The following RNF10 variants were observed in gnomAD, a reference collection of about 807,000 sequenced individuals.
RNF10 encodes the protein ring finger protein 10, also known as E3 ubiquitin-protein ligase RNF10.
RNF10 carries 38 observed loss-of-function variants against 91.4 expected under a neutral mutation model. The ratio of observed to expected loss-of-function variants is 0.42; its 90% CI spans 0.32 to 0.54. RNF10 has a LOEUF of 0.54. Among genes scored for constraint, RNF10 ranks in the 20% least tolerant of loss-of-function variants. The pLI is 0.16. For synonymous variants in RNF10, 364 were observed against 366.3 expected, an observed-to-expected ratio of 0.99 and a Z score of 0.07; for missense variants, 945 against 1,012.0, an observed-to-expected ratio of 0.93 and a Z score of 0.90.
intron 1 of RNF10, among the ~76,000 whole-genome samples, chr12:120,541,780 T>C (rs1871613849): frequency 6.6e-6 from 1 of 151,294 alleles, no homozygotes; most frequent in African/African-American, 2.4e-5. Flanking sequence ...TAGGCTGGCA[T>C]GCAGTGGTGC....
chr12:120,535,148 G>A (rs1270283092), intron 1 of RNF10, among the ~76,000 whole-genome samples, 180 bp downstream of exon 1: 2 of 152,220 alleles, frequency 1.3e-5, no homozygotes, highest in East Asian at 3.8e-4. Flanking sequence ...CGTGGTTTAC[G>A]TGGATCATTT....
chr12:120,575,475 A>G (rs931731241), intron 14 of RNF10, 156 bp from the exon 15 acceptor site: 20 of 746,478 alleles, frequency 2.7e-5, no homozygotes, highest in African/African-American at 8.8e-5. Flanking sequence ...TATAGAGGAC[A>G]TGACTAGAAC....
At chr12:120,554,485 G>A in intron 3 of RNF10, 1 of 452,004 alleles carries the variant, frequency 2.2e-6, no homozygotes, top group Non-Finnish European at 4.0e-6. Flanking sequence ...GAATTTGGCT[G>A]GACTTGAAGC....
intron 1 of RNF10, among the ~76,000 whole-genome samples, chr12:120,541,784 G>A (rs1341866200): frequency 6.6e-6 from 1 of 151,068 alleles, no homozygotes; most frequent in Non-Finnish European, 1.5e-5. Flanking sequence ...CTGGCATGCA[G>A]TGGTGCAAAC....
intron 13 of RNF10, among the ~76,000 whole-genome samples, chr12:120,569,663 C>T (rs1011385705): frequency 6.0e-5 from 9 of 150,898 alleles, no homozygotes; most frequent in Non-Finnish European, 1.0e-4. Context: ...CTCAGCCTCC[C>T]GAGTAGCTGG....
At chr12:120,563,784 T>C (rs762390030) in intron 9 of RNF10, 26 bp from the exon 10 acceptor site, 3 of 1,612,712 alleles carry the variant, frequency 1.9e-6, no homozygotes, top group African/African-American at 1.3e-5. Context: ...CCAAGACTGG[T>C]GTGTGATAGA....
chr12:120,563,105 C>A, intron 8 of RNF10, 35 bp downstream of exon 8: 1 of 1,613,510 alleles, frequency 6.2e-7, no homozygotes, highest in Non-Finnish European at 8.5e-7. Flanking sequence ...GGCTGCCGTT[C>A]CTCAAATGCT....
intron 1 of RNF10, among the ~76,000 whole-genome samples, chr12:120,542,486 T>C (rs73230303): frequency 0.045 from 6,918 of 152,286 alleles, 263 homozygotes; most frequent in South Asian, 0.1. Flanking sequence ...TTACTACTAG[T>C]GCCATGTTTG....
intron 1 of RNF10, among the ~76,000 whole-genome samples, chr12:120,542,380 G>T (rs1167717): frequency 1.3e-5 from 2 of 151,926 alleles, no homozygotes; most frequent in African/African-American, 4.8e-5. Flanking sequence ...TCGCAAACTC[G>T]TGGACTCAAG....
At chr12:120,548,966 G>A (rs986701587) in intron 2 of RNF10, among the ~76,000 whole-genome samples, 3 of 152,120 alleles carry the variant, frequency 2.0e-5, no homozygotes, top group South Asian at 2.1e-4. Context: ...CACCGCGCCC[G>A]GCTGAGGGAT....
chr12:120,563,643 G>A lies in RNF10; in HGVS notation c.1531+20G>A. 1 of 1,580,906 alleles carries A rather than the reference G, an allele frequency of 6.3e-7. No homozygotes were observed. The highest frequency in any genetic ancestry group is 8.6e-7 in the Non-Finnish European group (1 of 1,162,800). On this transcript the variant is annotated intron_variant, in intron 9 of 16. Transcript: ENST00000325954. ...ACCAAGGTGAGGGTGCCGGAAGAGA[G>A]GGCTGGGTTGCCGCAGAGGTGTTTC...
At chr12:120,536,471 A>G (rs559297815) in intron 1 of RNF10, among the ~76,000 whole-genome samples, 1 of 152,274 alleles carries the variant, frequency 6.6e-6, no homozygotes, top group Admixed American at 6.5e-5. Flanking sequence ...AAACAAAAAA[A>G]ACAGAAAATT....
At chr12:120,563,217 G>C (rs938580851) in intron 8 of RNF10, 130 bp from the exon 9 acceptor site, 297 of 1,474,310 alleles carry the variant, frequency 2.0e-4, no homozygotes, top group Non-Finnish European at 2.7e-4. Flanking sequence ...TTTCCCCAGG[G>C]GTGTTAAATC....
chr12:120,576,074 C>G (rs1877353522), intron 16 of RNF10, 124 bp downstream of exon 16: 1 of 956,418 alleles, frequency 1.0e-6, no homozygotes, highest in Non-Finnish European at 1.6e-6. Flanking sequence ...CTTCAGCACA[C>G]TCTAGTGTCA....
intron 1 of RNF10, among the ~76,000 whole-genome samples, chr12:120,541,651 G>A (rs185803657): frequency 0.013 from 1,960 of 151,384 alleles, 20 homozygotes; most frequent in Non-Finnish European, 0.023. Context: ...AGCCAGGATG[G>A]TCTCTATCTC....
chr12:120,560,915 C>A (rs1874747668), intron 7 of RNF10, 29 bp downstream of exon 7: 1 of 1,602,754 alleles, frequency 6.2e-7, no homozygotes. Context: ...GATGCTAAAC[C>A]TTTTCACTTT....
rs982118694 is a variant in RNF10 at position 120,551,080 on chromosome 12, G to C, written c.355-1419G>C. Among the ~76,000 whole-genome samples, 7 of 151,314 alleles carry C rather than the reference G, an allele frequency of 4.6e-5. No individual in the cohort carries two copies. In the South Asian group the frequency reaches 1.3e-3, roughly 27 times the overall value. On this transcript the variant is annotated intron_variant, in intron 2 of 16. Coordinates refer to ENST00000325954, the MANE Select transcript of RNF10 (RefSeq NM_014868.5). The stretch of plus-strand genomic sequence containing the variant: ...GGCCCACTGCAGCCTTGACCTACTG[G>C]GCTCAAATTATCCTCCCACCTCAGC...
At chr12:120,559,066 T>TA (rs11374622) in intron 6 of RNF10, among the ~76,000 whole-genome samples, 119,748 of 150,478 alleles carry the variant, frequency 0.8, 47,955 homozygotes, top group Admixed American at 0.85. Flanking sequence ...TTTTAAATTA[T>TA]TTTTTTTATT....
chr12:120,552,591 A>C lies in RNF10; in HGVS notation c.447A>C (p.Glu149Asp). The C allele has an allele frequency of 1.2e-6, 2 of 1,614,132 alleles. No individual in the cohort carries two copies. The highest frequency in any genetic ancestry group is 1.7e-6 in the Non-Finnish European group (2 of 1,180,022). ...NLNHLLNFTF[E>D]PRGQTGHFEG... ...ACCACTTGTTGAATTTCACTTTTGA[A>C]CCCCGTGGCCAGACGGGTCACTTTG... Residue 149 changes from glutamate to aspartate, a missense_variant, in exon 3 of 17, where the codon GAA (glutamate) becomes GAC (aspartate). Glu to Asp is a conservative substitution (Grantham distance 45). Coordinates refer to ENST00000325954, the MANE Select transcript of RNF10 (RefSeq NM_014868.5).
Sources: allele counts gnomAD v4.1 joint callset (sites outside exome capture counted in the v4.1 genomes callset), GRCh38; gene constraint gnomAD v4.1.1; transcripts MANE v1.5; gene names NCBI Gene and HGNC (gene_info 2026-07-23, HGNC 2026-07-21).